FRAS1: variants seen among roughly 807,000 people sequenced by gnomAD.
FRAS1 encodes the protein extracellular matrix organizing protein FRAS1.
Under a neutral mutation model 435.2 loss-of-function variants are expected in FRAS1, and 290 were observed. The ratio of observed to expected loss-of-function variants is 0.67; its 90% CI spans 0.61 to 0.73. The LOEUF is 0.73. Ranked by LOEUF, FRAS1 falls within the 30% of genes least tolerant of loss-of-function variation. The probability of loss-of-function intolerance (pLI) is 0.00; values close to 1 mark genes in which losing one functional copy is unlikely to be tolerated. For missense variants in FRAS1, 4,860 were observed against 5,001.5 expected (o/e 0.97, Z 0.85); for synonymous variants, 1,800 against 1,851.0 (o/e 0.97, Z 0.71).
At chr4:78,134,473 G>A (rs1227306559) in intron 2 of FRAS1, among the ~76,000 whole-genome samples, 1 of 152,086 alleles carries the variant, frequency 6.6e-6, no homozygotes, top group Non-Finnish European at 1.5e-5. Flanking sequence ...ATTAGTTTTG[G>A]TTTCTGGAAA....
intron 20 of FRAS1, among the ~76,000 whole-genome samples, chr4:78,358,765 A>G (rs558703143): frequency 6.6e-6 from 1 of 152,330 alleles, no homozygotes; most frequent in Non-Finnish European, 1.5e-5. Context: ...ATGGAGACAA[A>G]TTATAAGTAA....
At position 78,222,454 on chromosome 4, in the gene FRAS1, A is replaced by G. The variant is rs377482538; in HGVS notation, c.109-15056A>G. On this transcript the variant is annotated intron_variant, in intron 2 of 73. Transcript: ENST00000512123. ...GCTTTGCACACAGCGACTTCTCCGT[A>G]AATGTTGACTGCAGGGCAGAAAGAA... 2.6e-5 allele frequency among the ~76,000 whole-genome samples: 4 copies of G among 152,310 alleles called. No individual in the cohort carries two copies. The East Asian group carries it at 5.8e-4, about 22-fold the overall frequency.
intron 30 of FRAS1, among the ~76,000 whole-genome samples, chr4:78,405,207 C>T (rs1733052869): frequency 6.6e-6 from 1 of 152,088 alleles, no homozygotes; most frequent in South Asian, 2.1e-4. Flanking sequence ...TTCTGCTTTG[C>T]TTTTTTATCA....
At chr4:78,307,933 A>G (rs774262147) in intron 14 of FRAS1, 133 bp from the exon 15 acceptor site, 3 of 824,224 alleles carry the variant, frequency 3.6e-6, no homozygotes, top group Non-Finnish European at 5.6e-6. Flanking sequence ...TGAGGTGTAC[A>G]TGTGTCAATA....
At chr4:78,396,026 G>C (rs1313407416) in intron 29 of FRAS1, among the ~76,000 whole-genome samples, 1 of 151,628 alleles carries the variant, frequency 6.6e-6, no homozygotes, top group Non-Finnish European at 1.5e-5. Flanking sequence ...ATCTACTGCA[G>C]GTTTGTTCAT....
In FRAS1 at chr4:78,286,485, C is replaced by A. The variant is rs1328098598; in HGVS notation, c.1480C>A (p.Gln494Lys). 2 of 1,613,544 alleles carry A rather than the reference C, an allele frequency of 1.2e-6. No individual in the cohort carries two copies. Among genetic ancestry groups the A allele is most frequent in the African/African-American group, 2.7e-5 (2 of 74,934 alleles). The change falls in exon 14 of 74, where the codon CAG becomes AAG. Residue 494 changes from glutamine to lysine, a missense_variant. Gln to Lys is a moderately conservative substitution (Grantham distance 53, BLOSUM62 1). Coordinates refer to ENST00000512123, the MANE Select transcript of FRAS1 (RefSeq NM_025074.7). ...GCCTCCCCTGCTGATGCGGCACGGG[C>A]AGTGTGTGCCTACCTGTGGGGACGG... ...CQPPLLMRHG[Q>K]CVPTCGDGFY...
At chr4:78,483,499 G>T (rs1003715061) in intron 58 of FRAS1, among the ~76,000 whole-genome samples, 3 of 151,918 alleles carry the variant, frequency 2.0e-5, no homozygotes, top group South Asian at 2.1e-4. Flanking sequence ...CCAGAGATTG[G>T]CCATAGAGCC....
chr4:78,421,747 C>T, intron 33 of FRAS1, 116 bp from the exon 34 acceptor site: 1 of 1,189,022 alleles, frequency 8.4e-7, no homozygotes, highest in Non-Finnish European at 1.2e-6. Flanking sequence ...TGAGAACAGT[C>T]AGTTTCCGAA....
At position 78,400,831 on chromosome 4, in the gene FRAS1, C is replaced by A; in HGVS notation, c.4073C>A (p.Pro1358His). ...AACAGAATCTTACAGGCCGAGGCTC[C>A]TGGTGCCAGTGCTGAAGAAATCATC... is the stretch of plus-strand genomic sequence containing the variant. ...ITNRILQAEA[P>H]GASAEEIIYK... Residue 1358 changes from proline to histidine, a missense_variant, in exon 30 of 74, where the codon CCT becomes CAT. Pro to His is a moderately conservative substitution (Grantham distance 77). Coordinates refer to ENST00000512123, the MANE Select transcript of FRAS1 (RefSeq NM_025074.7). 6.2e-7 allele frequency: 1 copy of A among 1,613,792 alleles called. No homozygotes were observed. Among genetic ancestry groups the A allele is most frequent in the Non-Finnish European group, 8.5e-7 (1 of 1,179,800 alleles).
rs994848011 is a variant in FRAS1, at chr4:78,110,437, A to G, written c.108+44421A>G. ...AATGGAACAGAACAGAGCCCTCAGA[A>G]ATAATGCCGCATGTCTACAACTATC... On this transcript the variant is annotated intron_variant, in intron 2 of 73. Coordinates refer to ENST00000512123, the MANE Select transcript of FRAS1 (RefSeq NM_025074.7). Among the ~76,000 whole-genome samples, 5 of 106,258 alleles carry G rather than the reference A, an allele frequency of 4.7e-5. No homozygotes were observed. In the South Asian group the frequency reaches 8.8e-4, roughly 19 times the overall value. The allele number at this position is 106,258 out of a possible 152,430, so 69.7% of individuals were successfully genotyped here. A position where few individuals can be genotyped will look rare whatever the true frequency, so the allele number is the denominator to read the frequency against.
At chr4:78,185,466 G>A (rs190993621) in intron 2 of FRAS1, among the ~76,000 whole-genome samples, 1 of 152,248 alleles carries the variant, frequency 6.6e-6, no homozygotes, top group Admixed American at 6.5e-5. Flanking sequence ...CTATGCTCAC[G>A]GGATTGTTTT....
In FRAS1 at chr4:78,540,975, A is replaced by C; in HGVS notation, c.11890A>C (p.Lys3964Gln). 6.2e-7 allele frequency: 1 copy of C among 1,613,542 alleles called. No individual in the cohort carries two copies. Among genetic ancestry groups the C allele is most frequent in the Non-Finnish European group, 8.5e-7 (1 of 1,179,666 alleles). The change falls in exon 74 of 74, where the codon AAG becomes CAG. Residue 3964 changes from lysine to glutamine, a missense_variant. Transcript: ENST00000512123. ...VPKRHPDRVEKNVNRHYCTVR... is the reference protein window; with the variant it reads ...VPKRHPDRVEQNVNRHYCTVR... ...CAAGAGGCACCCGGACCGGGTGGAG[A>C]AGAACGTGAATAGACACTACTGCAC...
At chr4:78,375,378 G>A (rs142230060) in intron 25 of FRAS1, among the ~76,000 whole-genome samples, 61 of 152,300 alleles carry the variant, frequency 4.0e-4, no homozygotes, top group African/African-American at 1.4e-3. Context: ...TTATGACACC[G>A]ATTGTTAAAC....
chr4:78,081,189 A>G (rs1206332200), intron 2 of FRAS1, among the ~76,000 whole-genome samples: 1 of 152,112 alleles, frequency 6.6e-6, no homozygotes, highest in Non-Finnish European at 1.5e-5. Flanking sequence ...TCCCTGAGAG[A>G]AAAGTCCCCA....
intron 2 of FRAS1, among the ~76,000 whole-genome samples, chr4:78,103,503 A>C (rs376381266): frequency 1.3e-5 from 2 of 152,124 alleles, no homozygotes; most frequent in African/African-American, 4.8e-5. Context: ...ATGTGCATTT[A>C]TGAAGGGTAA....
At chr4:78,319,421 A>G (rs1729409242) in intron 18 of FRAS1, 1 of 456,950 alleles carries the variant, frequency 2.2e-6, no homozygotes, top group Non-Finnish European at 4.4e-6. Flanking sequence ...TTGGCATATC[A>G]TCTACAGAGA....
chr4:78,110,392 C>T (rs1266943497), intron 2 of FRAS1, among the ~76,000 whole-genome samples: 1 of 123,690 alleles, frequency 8.1e-6, no homozygotes, highest in Non-Finnish European at 1.7e-5. Flanking sequence ...GGTACTGGTA[C>T]CAAAACAGAG....
chr4:78,154,685 C>CCA (rs1180796081), intron 2 of FRAS1, among the ~76,000 whole-genome samples: 2 of 151,988 alleles, frequency 1.3e-5, no homozygotes, highest in Non-Finnish European at 2.9e-5. Context: ...TTTTTAAAAC[C>CCA]CACAAAACTA....
intron 2 of FRAS1, among the ~76,000 whole-genome samples, chr4:78,196,704 C>T (rs972304879): frequency 6.6e-6 from 1 of 152,002 alleles, no homozygotes; most frequent in African/African-American, 2.4e-5. Context: ...ATTGTTTTCA[C>T]TTTAAGATTT....
Sources: allele counts gnomAD v4.1 joint callset (sites outside exome capture counted in the v4.1 genomes callset), GRCh38; gene constraint gnomAD v4.1.1; transcripts MANE v1.5; gene names NCBI Gene and HGNC (gene_info 2026-07-23, HGNC 2026-07-21).